The following ALK variants were observed in gnomAD, a reference collection of about 807,000 sequenced individuals.
ALK encodes the protein ALK receptor tyrosine kinase, also known as ALK tyrosine kinase receptor.
ALK carries 74 observed loss-of-function variants against 163.1 expected under a neutral mutation model. The observed-to-expected ratio is 0.45, with a 90% confidence interval of 0.38 to 0.55. The LOEUF is 0.55. Ranked by LOEUF, ALK falls within the 20% of genes least tolerant of loss-of-function variation. The pLI, the probability that ALK is intolerant of heterozygous loss-of-function variation, is 0.00. For missense variants in ALK, 2,063 were observed against 2,105.3 expected (o/e 0.98, Z 0.39); for synonymous variants, 960 against 843.2 (o/e 1.14, Z -2.40).
intron 26 of ALK, among the ~76,000 whole-genome samples, chr2:29,202,060 G>C (rs1270601348): frequency 2.0e-5 from 3 of 152,182 alleles, no homozygotes; most frequent in Non-Finnish European, 4.4e-5. Context: ...AAGGCCGTCT[G>C]TGTTCTGACC....
Position 29,920,172 on chromosome 2 carries a change from A to G in ALK, c.488T>C (p.Val163Ala). Residue 163 changes from valine to alanine, a missense_variant, in exon 1 of 29, where the codon GTG (valine) becomes GCG (alanine). This residue lies in a region of ALK where 987 missense variants were observed against 939.5 expected (regional missense o/e 1.05). Coordinates refer to ENST00000389048, the MANE Select transcript of ALK (RefSeq NM_004304.5). ...GCVGPPGEAA[V>A]GLLQFNLSEL... ...GCTGAGATTGAACTGGAGCAGCCCC[A>G]CAGCCGCCTCCCCGGGGGGCCCGAC... 6.2e-7 allele frequency: 1 copy of G among 1,613,414 alleles called. No individual in the cohort carries two copies. The highest frequency in any genetic ancestry group is 8.5e-7 in the Non-Finnish European group (1 of 1,180,000).
rs74808866 is a variant in ALK, at chr2:29,534,766, C to A, written c.953-2650G>T. On this transcript the variant is annotated intron_variant, in intron 3 of 28. Coordinates refer to ENST00000389048, the MANE Select transcript of ALK (RefSeq NM_004304.5). ...TAGGGGCTCTTTCTGTGTCACTGCTCCTCTCCACCCTTGGGTGTGGCCATG... is the reference window on the plus strand; with the variant it reads ...TAGGGGCTCTTTCTGTGTCACTGCTACTCTCCACCCTTGGGTGTGGCCATG... Among the ~76,000 whole-genome samples, 1,397 of 152,318 alleles carry A rather than the reference C, an allele frequency of 9.2e-3. 25 individuals carry two copies. The highest frequency in any genetic ancestry group is 0.031 in the African/African-American group (1,285 of 41,560).
chr2:29,218,602 C>CTGT (rs1378481928), intron 23 of ALK, among the ~76,000 whole-genome samples: 1 of 152,092 alleles, frequency 6.6e-6, no homozygotes, highest in Non-Finnish European at 1.5e-5. Context: ...AGAGACACAC[C>CTGT]ACTCCTCACT....
At chr2:29,438,188 C>T (rs1258234219) in intron 4 of ALK, among the ~76,000 whole-genome samples, 2 of 152,138 alleles carry the variant, frequency 1.3e-5, no homozygotes, top group Non-Finnish European at 2.9e-5. Context: ...CATAACACCA[C>T]CAATGAGGAA....
At chr2:29,395,449 C>T (rs1669279923) in intron 4 of ALK, among the ~76,000 whole-genome samples, 1 of 152,184 alleles carries the variant, frequency 6.6e-6, no homozygotes, top group Non-Finnish European at 1.5e-5. Context: ...CTATGCCCTG[C>T]CCCTTCACTG....
intron 3 of ALK, among the ~76,000 whole-genome samples, chr2:29,667,926 T>C (rs1558433326): frequency 6.6e-6 from 1 of 152,122 alleles, no homozygotes. Context: ...TGGGCTTTTC[T>C]TTGAAAGGAG....
intron 3 of ALK, among the ~76,000 whole-genome samples, chr2:29,553,853 C>A (rs559781060): frequency 1.8e-4 from 28 of 152,230 alleles, no homozygotes; most frequent in African/African-American, 6.7e-4. Flanking sequence ...TGCTTCTCAT[C>A]TTTTGTGAAT....
chr2:29,674,747 A>G (rs1677820882), intron 3 of ALK, among the ~76,000 whole-genome samples: 1 of 150,840 alleles, frequency 6.6e-6, no homozygotes, highest in South Asian at 2.1e-4. Context: ...TTCATAAGGA[A>G]TGGTACCAGT....
chr2:29,752,536 G>T (rs1186757695), intron 1 of ALK, among the ~76,000 whole-genome samples: 2 of 151,530 alleles, frequency 1.3e-5, no homozygotes, highest in African/African-American at 4.9e-5. Context: ...TTTTAGTAGA[G>T]ACGGGGTTTC....
chr2:29,455,547 T>C (rs1254740325), intron 4 of ALK, among the ~76,000 whole-genome samples: 1 of 152,204 alleles, frequency 6.6e-6, no homozygotes, highest in African/African-American at 2.4e-5. Context: ...TCTATTTCTG[T>C]CTCTTTTTCT....
At chr2:29,203,680 T>G (rs2148148966) in intron 26 of ALK, among the ~76,000 whole-genome samples, 1 of 151,772 alleles carries the variant, frequency 6.6e-6, no homozygotes, top group Admixed American at 6.6e-5. Context: ...AGAGACGGGT[T>G]TCACCATCTT....
At chr2:29,754,739 A>G (rs757752546) in intron 1 of ALK, among the ~76,000 whole-genome samples, 41 of 152,288 alleles carry the variant, frequency 2.7e-4, no homozygotes, top group Middle Eastern at 3.4e-3. Flanking sequence ...CTTGTCTGGG[A>G]ATAAGGACGG....
At chr2:29,503,897 G>A (rs1204533109) in intron 4 of ALK, among the ~76,000 whole-genome samples, 1 of 151,932 alleles carries the variant, frequency 6.6e-6, no homozygotes. Flanking sequence ...TGCCCTCATG[G>A]AGCTTTCTTT....
At chr2:29,562,598 T>C (rs1396674043) in intron 3 of ALK, among the ~76,000 whole-genome samples, 3 of 152,018 alleles carry the variant, frequency 2.0e-5, no homozygotes, top group Non-Finnish European at 2.9e-5. Context: ...ATTGGCTCAA[T>C]AGCAGAACAA....
intron 11 of ALK, among the ~76,000 whole-genome samples, chr2:29,271,653 C>T (rs531747929): frequency 6.6e-6 from 1 of 152,370 alleles, no homozygotes; most frequent in South Asian, 2.1e-4. Context: ...ATGGGAGGAC[C>T]TGCAGAGGCA....
At chr2:29,771,766 C>T (rs1251767328) in intron 1 of ALK, among the ~76,000 whole-genome samples, 1 of 152,054 alleles carries the variant, frequency 6.6e-6, no homozygotes, top group Admixed American at 6.5e-5. Context: ...GATTGCCTGA[C>T]CTCGTGATCC....
intron 5 of ALK, among the ~76,000 whole-genome samples, chr2:29,370,783 C>T (rs140266108): frequency 1.9e-4 from 29 of 152,296 alleles, no homozygotes; most frequent in Non-Finnish European, 2.5e-4. Flanking sequence ...GCCCACTTCC[C>T]CTGTGAGCTC....
At chr2:29,906,668 G>T (rs1667555515) in intron 1 of ALK, among the ~76,000 whole-genome samples, 2 of 152,140 alleles carry the variant, frequency 1.3e-5, no homozygotes, top group Non-Finnish European at 2.9e-5. Context: ...GTGCAACCTG[G>T]ATCGTGTTAT....
At chr2:29,534,677 C>A (rs1388315620) in intron 3 of ALK, among the ~76,000 whole-genome samples, 1 of 152,204 alleles carries the variant, frequency 6.6e-6, no homozygotes, top group Admixed American at 6.5e-5. Flanking sequence ...AAGATTACTG[C>A]TATGCACATG....
Sources: allele counts gnomAD v4.1 joint callset (sites outside exome capture counted in the v4.1 genomes callset), GRCh38; gene constraint gnomAD v4.1.1; regional missense constraint gnomAD v4.1.1; transcripts MANE v1.5; gene names NCBI Gene and HGNC (gene_info 2026-07-23, HGNC 2026-07-21).